Variants in CCDC149 observed in about 807,000 individuals in gnomAD.
CCDC149 encodes the protein coiled-coil domain containing 149.
A neutral mutation model predicts 59.9 loss-of-function variants in CCDC149; 45 were observed. The observed-to-expected ratio is 0.75, with a 90% confidence interval of 0.59 to 0.96. The LOEUF (loss-of-function observed/expected upper bound fraction) is 0.96, where lower values mean the gene tolerates loss of function less well. Ranked by LOEUF, CCDC149 falls within the 40% of genes least tolerant of loss-of-function variation. CCDC149 has a pLI of 0.00. For missense variants in CCDC149, 584 were observed against 664.7 expected, an observed-to-expected ratio of 0.88 and a Z score of 1.33; for synonymous variants, 245 against 260.6, an observed-to-expected ratio of 0.94 and a Z score of 0.58.
At chr4:24,891,195 G>GC (rs534012392) in intron 1 of CCDC149, among the ~76,000 whole-genome samples, 5 of 151,958 alleles carry the variant, frequency 3.3e-5, no homozygotes, top group South Asian at 2.1e-4. Context: ...TTAGAACTCA[G>GC]CCCCCCCAGC....
At chr4:24,822,645 G>A (rs1715485388) in intron 9 of CCDC149, 72 bp from the exon 10 acceptor site, 2 of 1,028,600 alleles carry the variant, frequency 1.9e-6, no homozygotes, top group Admixed American at 3.0e-5. Flanking sequence ...GAATCCCACT[G>A]GTGCCCTAGT....
At chr4:24,978,001 G>A (rs1724281196) in intron 1 of CCDC149, among the ~76,000 whole-genome samples, 1 of 152,124 alleles carries the variant, frequency 6.6e-6, no homozygotes, top group Non-Finnish European at 1.5e-5. Flanking sequence ...ACTTGATGGT[G>A]CACACCTTTA....
intron 1 of CCDC149, among the ~76,000 whole-genome samples, chr4:24,962,300 G>A (rs1295655789): frequency 5.9e-5 from 9 of 151,972 alleles, no homozygotes; most frequent in African/African-American, 1.2e-4. Context: ...TCATTAAAAC[G>A]TCAGGAAACA....
intron 1 of CCDC149, among the ~76,000 whole-genome samples, chr4:24,973,949 G>C (rs547808578): frequency 6.6e-6 from 1 of 152,384 alleles, no homozygotes; most frequent in East Asian, 1.9e-4. Flanking sequence ...CGGGAAGCCC[G>C]AGAGGGAGCC....
intron 1 of CCDC149, among the ~76,000 whole-genome samples, chr4:24,952,272 T>C (rs1322293960): frequency 6.6e-6 from 1 of 152,112 alleles, no homozygotes; most frequent in Non-Finnish European, 1.5e-5. Context: ...AGTTCTGAAG[T>C]AGGCGAAATT....
intron 4 of CCDC149, among the ~76,000 whole-genome samples, chr4:24,851,625 A>T (rs1455521096): frequency 1.3e-5 from 2 of 152,248 alleles, no homozygotes; most frequent in East Asian, 3.8e-4. Context: ...GAAGAGTCAC[A>T]GATCCAAAAG....
Position 24,888,419 on chromosome 4 carries a change from C to A in CCDC149, c.64-11722G>T, listed in dbSNP as rs191144701. Among the ~76,000 whole-genome samples, 12 of 152,080 alleles carry A rather than the reference C, an allele frequency of 7.9e-5. No individual in the cohort carries two copies. The East Asian group carries it at 2.3e-3, about 29-fold the overall frequency. On this transcript the variant is annotated intron_variant, in intron 1 of 12. Transcript: ENST00000635206. ...AAACTCAGTGTGTAAGGAGAGGATG[C>A]AGGACAGTTCCTATAGAATCATCAA...
At chr4:24,959,444 T>A (rs542392762) in intron 1 of CCDC149, among the ~76,000 whole-genome samples, 1 of 151,902 alleles carries the variant, frequency 6.6e-6, no homozygotes, top group Non-Finnish European at 1.5e-5. Flanking sequence ...AACCTTTGAC[T>A]GGATACCAAC....
intron 1 of CCDC149, among the ~76,000 whole-genome samples, chr4:24,948,104 C>A (rs1723173516): frequency 6.6e-6 from 1 of 152,164 alleles, no homozygotes; most frequent in African/African-American, 2.4e-5. Context: ...AGGCAGTGGG[C>A]TACGGCAGGT....
chr4:24,863,601 G>T (rs1718511993), intron 3 of CCDC149, among the ~76,000 whole-genome samples: 2 of 152,170 alleles, frequency 1.3e-5, no homozygotes, highest in African/African-American at 4.8e-5. Flanking sequence ...GCTCATCTTG[G>T]TTTAAAAATA....
chr4:24,815,912 G>C (rs942947041), intron 12 of CCDC149, among the ~76,000 whole-genome samples: 1 of 152,086 alleles, frequency 6.6e-6, no homozygotes, highest in African/African-American at 2.4e-5. Context: ...GCCACGATAA[G>C]AGGAATGAAC....
chr4:24,940,086 A>G (rs866459635), intron 1 of CCDC149, among the ~76,000 whole-genome samples: 2 of 152,348 alleles, frequency 1.3e-5, no homozygotes, highest in Middle Eastern at 6.8e-3. Context: ...TCCAAGACAC[A>G]TAATTGTCAG....
chr4:24,966,746 C>T (rs1723815486), intron 1 of CCDC149, among the ~76,000 whole-genome samples: 2 of 152,240 alleles, frequency 1.3e-5, no homozygotes, highest in South Asian at 4.1e-4. Flanking sequence ...GACATTGCTG[C>T]ATGACCTGGT....
intron 8 of CCDC149, 58 bp downstream of exon 8, chr4:24,834,890 C>T (rs1305286917): frequency 7.6e-7 from 1 of 1,308,432 alleles, no homozygotes; most frequent in African/African-American, 1.5e-5. Flanking sequence ...GGGATGTGGG[C>T]TTGCAGCTCT....
chr4:24,838,492 C>T (rs1374461530), intron 4 of CCDC149, among the ~76,000 whole-genome samples: 1 of 152,134 alleles, frequency 6.6e-6, no homozygotes, highest in African/African-American at 2.4e-5. Context: ...GGCCTGGGCA[C>T]TCTAGGCTGG....
chr4:24,874,591 C>T (rs1286136340), intron 2 of CCDC149, among the ~76,000 whole-genome samples: 1 of 151,866 alleles, frequency 6.6e-6, no homozygotes, highest in Admixed American at 6.5e-5. Flanking sequence ...CACACACACA[C>T]ACAAAAAAAG....
chr4:24,949,703 A>G (rs61793809), intron 1 of CCDC149, among the ~76,000 whole-genome samples: 13,037 of 152,228 alleles, frequency 0.086, 692 homozygotes, highest in African/African-American at 0.15. Context: ...CCACAGCAGC[A>G]CTGAGGCCAG....
At chr4:24,917,974 C>T (rs562113036), upstream of CCDC149, among the ~76,000 whole-genome samples, 7 of 151,920 alleles carry the variant, frequency 4.6e-5, no homozygotes, top group African/African-American at 1.4e-4. Flanking sequence ...AAAATAGAAA[C>T]GTCTGACTTG....
chr4:24,882,820 A>G (rs1719925617), intron 1 of CCDC149, among the ~76,000 whole-genome samples: 1 of 152,192 alleles, frequency 6.6e-6, no homozygotes, highest in Non-Finnish European at 1.5e-5. Flanking sequence ...GGAATTTTTT[A>G]TTGGAAACTC....
Sources: gnomAD v4.1 joint callset for allele counts (sites outside exome capture counted in the v4.1 genomes callset) on GRCh38, gnomAD v4.1.1 for gene constraint, MANE v1.5 for transcripts, NCBI Gene and HGNC (gene_info 2026-07-23, HGNC 2026-07-21) for gene names.